The following PTPRQ variants were observed in gnomAD, a reference collection of about 807,000 sequenced individuals.
The protein encoded by PTPRQ is protein tyrosine phosphatase receptor type Q.
PTPRQ carries 199 observed loss-of-function variants against 246.0 expected under a neutral mutation model. The ratio of observed to expected loss-of-function variants is 0.81; its 90% confidence interval spans 0.72 to 0.91. The LOEUF is 0.91. Ranked by LOEUF, PTPRQ falls within the 40% of genes least tolerant of loss-of-function variation. PTPRQ has a pLI of 0.00. For missense variants in PTPRQ, 2,624 were observed against 2,528.4 expected (o/e 1.04, Z -0.81); for synonymous variants, 869 against 853.2 (o/e 1.02, Z -0.32).
intron 39 of PTPRQ, among the ~76,000 whole-genome samples, chr12:80,666,695 G>C (rs1430212699): frequency 2.0e-5 from 3 of 151,882 alleles, no homozygotes. Context: ...ATTATTATGT[G>C]TCAAAATAAT....
chr12:80,637,315 CTTTA>C (rs895367116), intron 35 of PTPRQ, among the ~76,000 whole-genome samples: 1 of 152,034 alleles, frequency 6.6e-6, no homozygotes, highest in African/African-American at 2.4e-5. Flanking sequence ...TCAGGGTCTA[CTTTA>C]TTTGACCTTC....
At chr12:80,612,614 A>G (rs1898595583) in intron 28 of PTPRQ, among the ~76,000 whole-genome samples, 1 of 150,434 alleles carries the variant, frequency 6.6e-6, no homozygotes, top group Admixed American at 6.7e-5. Flanking sequence ...CACAATGGAA[A>G]ATAATTTTGC....
intron 8 of PTPRQ, among the ~76,000 whole-genome samples, chr12:80,472,745 C>T: frequency 6.6e-6 from 1 of 152,028 alleles, no homozygotes; most frequent in Non-Finnish European, 1.5e-5. Flanking sequence ...ATTATGAAAA[C>T]ATTATTTTTC....
chr12:80,486,852 C>T (rs1188339047), intron 9 of PTPRQ, among the ~76,000 whole-genome samples: 2 of 152,122 alleles, frequency 1.3e-5, no homozygotes, highest in Non-Finnish European at 2.9e-5. Context: ...TTCTTATCTC[C>T]TTCAAAATCC....
chr12:80,652,430 T>C (rs1345116483), intron 37 of PTPRQ, among the ~76,000 whole-genome samples: 2 of 152,068 alleles, frequency 1.3e-5, no homozygotes, highest in East Asian at 3.9e-4. Flanking sequence ...AACAATAGTG[T>C]GTACCTGATG....
At chr12:80,488,272 A>G (rs1232492977) in intron 9 of PTPRQ, among the ~76,000 whole-genome samples, 1 of 152,056 alleles carries the variant, frequency 6.6e-6, no homozygotes, top group Non-Finnish European at 1.5e-5. Flanking sequence ...GATTTTACAA[A>G]GCAGGAACAA....
intron 10 of PTPRQ, among the ~76,000 whole-genome samples, chr12:80,494,601 C>T (rs1402603160): frequency 6.6e-6 from 1 of 151,824 alleles, no homozygotes; most frequent in African/African-American, 2.4e-5. Context: ...ACATTCCTAA[C>T]CAGCCTCTTT....
Position 80,679,072 on chromosome 12 carries a change from G to A in PTPRQ, c.*49G>A, listed in dbSNP as rs1258979644. 1.2e-4 allele frequency: 176 copies of A among 1,530,394 alleles called. No individual in the cohort carries two copies. Among genetic ancestry groups the A allele is most frequent in the Non-Finnish European group, 1.5e-4 (173 of 1,138,688 alleles). 94.8% of individuals were successfully genotyped at this position (1,530,394 alleles called of 1,614,324 possible). On this transcript the variant is annotated 3_prime_UTR_variant, in exon 45 of 45. Transcript: ENST00000644991. ...TGGAAGAGATTTTTAAATCCCAGGG[G>A]CCAAAGTTACCCCCTCATTCTTCCG...
intron 35 of PTPRQ, among the ~76,000 whole-genome samples, chr12:80,636,581 T>C (rs1899660534): frequency 6.7e-6 from 1 of 149,130 alleles, no homozygotes; most frequent in Non-Finnish European, 1.5e-5. Context: ...CAACTGAAAA[T>C]GCACAAGGGA....
chr12:80,611,587 T>A (rs1020300765), intron 28 of PTPRQ, among the ~76,000 whole-genome samples: 2 of 150,410 alleles, frequency 1.3e-5, no homozygotes, highest in African/African-American at 2.4e-5. Flanking sequence ...AAAGATATGA[T>A]GAATGTACTC....
intron 15 of PTPRQ, 77 bp from the exon 16 acceptor site, chr12:80,506,492 C>G: frequency 8.7e-7 from 1 of 1,150,696 alleles, no homozygotes; most frequent in Non-Finnish European, 1.2e-6. Flanking sequence ...TGTTGACAGC[C>G]ATTTCATAGT....
At chr12:80,661,436 G>T (rs1900628565) in intron 39 of PTPRQ, among the ~76,000 whole-genome samples, 1 of 149,742 alleles carries the variant, frequency 6.7e-6, no homozygotes, top group Non-Finnish European at 1.5e-5. Context: ...TGTAATTTTG[G>T]AATAATTATC....
At chr12:80,609,690 G>A (rs1485345002) in intron 27 of PTPRQ, among the ~76,000 whole-genome samples, 1 of 150,496 alleles carries the variant, frequency 6.6e-6, no homozygotes, top group African/African-American at 2.4e-5. Flanking sequence ...TTACTATCCA[G>A]TGCTACACAT....
intron 17 of PTPRQ, among the ~76,000 whole-genome samples, chr12:80,526,199 A>C (rs1895680815): frequency 6.6e-6 from 1 of 152,156 alleles, no homozygotes; most frequent in Non-Finnish European, 1.5e-5. Flanking sequence ...ACAGGGTATG[A>C]ATTGGAACCC....
intron 23 of PTPRQ, among the ~76,000 whole-genome samples, chr12:80,546,253 A>C (rs1225970323): frequency 6.6e-6 from 1 of 150,998 alleles, no homozygotes; most frequent in Admixed American, 6.7e-5. Flanking sequence ...CTGGGAGTCC[A>C]CCTCCCACTG....
intron 17 of PTPRQ, among the ~76,000 whole-genome samples, chr12:80,513,431 G>C (rs1895183315): frequency 6.6e-6 from 1 of 152,174 alleles, no homozygotes. Flanking sequence ...TCGATGTCCA[G>C]CCGTTGTGTC....
chr12:80,673,128 C>T, intron 42 of PTPRQ, 41 bp from the exon 43 acceptor site: 4 of 1,545,936 alleles, frequency 2.6e-6, no homozygotes, highest in East Asian at 2.5e-5. Context: ...AATGAACAAC[C>T]CTTTGCTGAA....
intron 27 of PTPRQ, 60 bp from the exon 28 acceptor site, chr12:80,610,379 G>C: frequency 7.2e-7 from 1 of 1,384,722 alleles, no homozygotes; most frequent in Admixed American, 3.3e-5. Flanking sequence ...GTATTATTAT[G>C]TTTTGGTGAC....
intron 16 of PTPRQ, among the ~76,000 whole-genome samples, chr12:80,508,521 G>A (rs1408309884): frequency 6.6e-6 from 1 of 151,928 alleles, no homozygotes; most frequent in Non-Finnish European, 1.5e-5. Context: ...GCCAGGTAGA[G>A]GAGTGAGAGA....
Sources: allele counts gnomAD v4.1 joint callset (sites outside exome capture counted in the v4.1 genomes callset), GRCh38; gene constraint gnomAD v4.1.1; transcripts MANE v1.5; gene names NCBI Gene and HGNC (gene_info 2026-07-23, HGNC 2026-07-21).